The following TEX2 variants were observed in gnomAD, a reference collection of about 807,000 sequenced individuals.
TEX2 encodes testis-expressed protein 2.
Under a neutral mutation model 106.9 loss-of-function variants are expected in TEX2, and 53 were observed. That is an observed-to-expected ratio of 0.50 (90% CI 0.40 to 0.62). TEX2 has a LOEUF of 0.62. TEX2 is among the 20% of genes least tolerant of loss of function. TEX2 has a pLI of 0.00. For synonymous variants in TEX2, 523 were observed against 534.8 expected (o/e 0.98, Z 0.30); for missense variants, 1,207 against 1,379.0 (o/e 0.88, Z 1.98).
intron 2 of TEX2, among the ~76,000 whole-genome samples, chr17:64,210,360 T>C (rs1354314734): frequency 2.0e-5 from 3 of 152,198 alleles, no homozygotes; most frequent in Admixed American, 6.5e-5. Flanking sequence ...TATATGATCC[T>C]ATTAAATCAA....
chr17:64,171,044 G>T, intron 7 of TEX2, 56 bp downstream of exon 7: 1 of 1,401,956 alleles, frequency 7.1e-7, no homozygotes, highest in Non-Finnish European at 1.0e-6. Context: ...TCATGGTACT[G>T]AATCTGCAGC....
chr17:64,226,355 C>A (rs1256036309), intron 1 of TEX2, among the ~76,000 whole-genome samples: 1 of 152,226 alleles, frequency 6.6e-6, no homozygotes. Flanking sequence ...CAAAGTAGTA[C>A]AGAGAGGTTC....
intron 1 of TEX2, among the ~76,000 whole-genome samples, chr17:64,261,037 C>T (rs1286097343): frequency 1.3e-5 from 2 of 152,158 alleles, no homozygotes; most frequent in African/African-American, 4.8e-5. Context: ...CACTTTGATA[C>T]TGAAAGTAAT....
At chr17:64,200,922 C>T (rs1184180738) in intron 2 of TEX2, among the ~76,000 whole-genome samples, 1 of 152,128 alleles carries the variant, frequency 6.6e-6, no homozygotes, top group African/African-American at 2.4e-5. Flanking sequence ...TTCCTCCTTC[C>T]TGAACTACCA....
chr17:64,196,710 CT>C (rs2032479423), intron 2 of TEX2, among the ~76,000 whole-genome samples: 1 of 152,186 alleles, frequency 6.6e-6, no homozygotes, highest in African/African-American at 2.4e-5. Flanking sequence ...GAACTAAGTA[CT>C]TTCTTTGGCT....
Position 64,153,290 on chromosome 17 carries a change from G to A in TEX2, c.2931-136C>T. 1.5e-6 allele frequency: 1 copy of A among 663,340 alleles called. No individual in the cohort carries two copies. Among genetic ancestry groups the A allele is most frequent in the Non-Finnish European group, 2.6e-6 (1 of 382,316 alleles). 41.1% of individuals were successfully genotyped at this position (663,340 alleles called of 1,614,324 possible). A position where few individuals can be genotyped will look rare whatever the true frequency, so the allele number is the denominator to read the frequency against. On this transcript the variant is annotated intron_variant, in intron 9 of 11. Transcript: ENST00000584379. This position sits in a 1 kb window ranked among gnomAD's most constrained non-coding sequence, Gnocchi z 4.1. ...TGTGGTGATTCTGTGTTGGGGCGGG[G>A]GGCATCCTGTGCATTGCAGGGTGTT...
At chr17:64,261,347 C>T (rs1257314589) in intron 1 of TEX2, among the ~76,000 whole-genome samples, 1 of 152,134 alleles carries the variant, frequency 6.6e-6, no homozygotes, top group African/African-American at 2.4e-5. Context: ...AAACATGCTA[C>T]GTATTTATTC....
At chr17:64,181,749 C>A (rs1446965036) in intron 5 of TEX2, among the ~76,000 whole-genome samples, 1 of 151,596 alleles carries the variant, frequency 6.6e-6, no homozygotes, top group Non-Finnish European at 1.5e-5. Flanking sequence ...CTCCCAACCT[C>A]AGGTGATCTG....
At chr17:64,191,817 C>CAAAAA (rs58376086) in intron 4 of TEX2, among the ~76,000 whole-genome samples, 5 of 119,902 alleles carry the variant, frequency 4.2e-5, no homozygotes, top group African/African-American at 1.1e-4. Context: ...GACTCCATCT[C>CAAAAA]AAAAAAAAAA....
chr17:64,200,157 T>G (rs901389939), intron 2 of TEX2, among the ~76,000 whole-genome samples: 3 of 152,118 alleles, frequency 2.0e-5, no homozygotes, highest in Non-Finnish European at 4.4e-5. Context: ...TATAGGAAAA[T>G]TAAGATAATT....
chr17:64,178,163 C>T (rs2031690672), intron 5 of TEX2, among the ~76,000 whole-genome samples: 1 of 152,238 alleles, frequency 6.6e-6, no homozygotes, highest in South Asian at 2.1e-4. Context: ...TCCTTACTTC[C>T]ATTTGATACA....
chr17:64,161,013 T>A, intron 7 of TEX2, 80 bp from the exon 8 acceptor site: 2 of 1,469,812 alleles, frequency 1.4e-6, no homozygotes, highest in South Asian at 2.5e-5. Context: ...TTTAAAAATA[T>A]CTAAATAGGC....
At chr17:64,171,827 A>G (rs137949368) in intron 6 of TEX2, among the ~76,000 whole-genome samples, 74 of 152,100 alleles carry the variant, frequency 4.9e-4, no homozygotes, top group African/African-American at 1.5e-3. Flanking sequence ...AAAAAATACA[A>G]AAATCCACCA....
chr17:64,175,881 C>T (rs1490423561), intron 6 of TEX2, among the ~76,000 whole-genome samples: 4 of 152,140 alleles, frequency 2.6e-5, no homozygotes, highest in South Asian at 4.1e-4. Context: ...CAGAAGGGCT[C>T]GAGATAGACC....
chr17:64,174,322 G>A (rs1408947692), intron 6 of TEX2, among the ~76,000 whole-genome samples: 1 of 152,162 alleles, frequency 6.6e-6, no homozygotes, highest in African/African-American at 2.4e-5. Context: ...AGACAAAGGA[G>A]GGACCTGAAG....
At position 64,205,561 on chromosome 17, in the gene TEX2, A is replaced by C. The variant is rs936243075; in HGVS notation, c.1644+7013T>G. Among the ~76,000 whole-genome samples, 50 of 152,136 alleles carry C rather than the reference A, an allele frequency of 3.3e-4. No homozygotes were observed. The highest frequency in any genetic ancestry group is 1.0e-3 in the Admixed American group (16 of 15,270). Reference sequence around the variant, plus strand: ...CTGCATGTAATGGCCATTTTCTCCTAAAGACTTGCTTACTCTAATTTCTTG... The same window carrying C: ...CTGCATGTAATGGCCATTTTCTCCTCAAGACTTGCTTACTCTAATTTCTTG... On this transcript the variant is annotated intron_variant, in intron 2 of 11. Transcript: ENST00000584379. This position sits in a 1 kb window ranked among gnomAD's most constrained non-coding sequence, Gnocchi z 4.0.
chr17:64,164,706 T>C (rs138548540), intron 7 of TEX2, among the ~76,000 whole-genome samples: 16 of 152,178 alleles, frequency 1.1e-4, no homozygotes, highest in African/African-American at 1.7e-4. Flanking sequence ...AAGTGTATGT[T>C]TGAAGAAAAA....
intron 1 of TEX2, among the ~76,000 whole-genome samples, chr17:64,221,303 T>C (rs1391693246): frequency 1.3e-5 from 2 of 152,102 alleles, no homozygotes; most frequent in African/African-American, 4.8e-5. Context: ...ATGGCACACA[T>C]TTACCTATGT....
chr17:64,151,044 A>T (rs1407732106), intron 10 of TEX2, 83 bp from the exon 11 acceptor site: 6 of 1,452,662 alleles, frequency 4.1e-6, no homozygotes, highest in Non-Finnish European at 4.7e-6. Context: ...TCTCATTTAC[A>T]TGGGGCTTTA....
Sources: allele counts gnomAD v4.1 joint callset (sites outside exome capture counted in the v4.1 genomes callset), GRCh38; gene constraint gnomAD v4.1.1; non-coding constraint Gnocchi (gnomAD v3.1); transcripts MANE v1.5; gene names NCBI Gene and HGNC (gene_info 2026-07-23, HGNC 2026-07-21).